ROBO1: variants seen among roughly 807,000 people sequenced by gnomAD.
ROBO1 encodes the protein roundabout guidance receptor 1.
In ROBO1, 149 loss-of-function variants were observed where a neutral mutation model predicts 195.9. That is an observed-to-expected ratio of 0.76 (90% CI 0.67 to 0.87). The LOEUF (loss-of-function observed/expected upper bound fraction) is 0.87, where lower values mean the gene tolerates loss of function less well. ROBO1 is among the 40% of genes least tolerant of loss of function. The pLI, the probability that ROBO1 is intolerant of heterozygous loss-of-function variation, is 0.00. For synonymous variants in ROBO1, 816 were observed against 733.2 expected (o/e 1.11, Z -1.82); for missense variants, 1,933 against 2,068.3 (o/e 0.93, Z 1.27).
At position 78,974,511 on chromosome 3, in the gene ROBO1, A is replaced by G. The variant is rs898958950; in HGVS notation, c.173-35584T>C. Among the ~76,000 whole-genome samples, 8 of 152,264 alleles carry G rather than the reference A, an allele frequency of 5.3e-5. No individual in the cohort carries two copies. In the South Asian group the frequency reaches 1.0e-3, roughly 20 times the overall value. On this transcript the variant is annotated intron_variant, in intron 3 of 30. Transcript: ENST00000464233. ...GTTTTACGAAATGCCACCAAACTCA[A>G]TATACGAAAAAAAGAAAGAGGCATG...
chr3:79,368,821 G>A (rs1031411526), intron 2 of ROBO1, among the ~76,000 whole-genome samples: 13 of 151,932 alleles, frequency 8.6e-5, no homozygotes, highest in East Asian at 3.9e-4. Flanking sequence ...AAATGCAGGC[G>A]GGACCTGCTT....
intron 3 of ROBO1, among the ~76,000 whole-genome samples, chr3:79,037,144 A>G (rs1472567020): frequency 2.0e-5 from 3 of 152,168 alleles, no homozygotes. Flanking sequence ...ACAGTTGGCT[A>G]TTTCACATAT....
At chr3:79,093,462 T>C (rs747053776) in intron 3 of ROBO1, among the ~76,000 whole-genome samples, 4 of 152,120 alleles carry the variant, frequency 2.6e-5, no homozygotes, top group Non-Finnish European at 5.9e-5. Flanking sequence ...CAACAAAAGA[T>C]TATTTAGAAG....
At chr3:79,344,463 G>C (rs544929631) in intron 2 of ROBO1, among the ~76,000 whole-genome samples, 1 of 152,100 alleles carries the variant, frequency 6.6e-6, no homozygotes, top group South Asian at 2.1e-4. Flanking sequence ...CAATAAAAGC[G>C]AATAATAGTT....
At chr3:78,894,142 G>A (rs979005862) in intron 4 of ROBO1, among the ~76,000 whole-genome samples, 1 of 152,032 alleles carries the variant, frequency 6.6e-6, no homozygotes, top group Non-Finnish European at 1.5e-5. Context: ...GGTTCTAACG[G>A]TGGGAAAATA....
At position 79,620,150 on chromosome 3, in the gene ROBO1, C is replaced by T. The variant is rs182744844; in HGVS notation, c.-50-30189G>A. Among the ~76,000 whole-genome samples, 1,299 of 152,322 alleles carry T rather than the reference C, an allele frequency of 8.5e-3. 18 individuals carry two copies. The highest frequency in any genetic ancestry group is 9.3e-3 in the Non-Finnish European group (631 of 68,026). ...TCAACAGCCCAGGATTCCTCCTAAGCTGTGTCCCGTCTGTGCGGGACCCCA... is the reference window on the plus strand; with the variant it reads ...TCAACAGCCCAGGATTCCTCCTAAGTTGTGTCCCGTCTGTGCGGGACCCCA... On this transcript the variant is annotated intron_variant, in intron 1 of 30. Coordinates refer to ENST00000464233, the MANE Select transcript of ROBO1 (RefSeq NM_002941.4).
chr3:79,146,484 A>G (rs898295018), intron 2 of ROBO1, among the ~76,000 whole-genome samples: 1 of 151,754 alleles, frequency 6.6e-6, no homozygotes, highest in Non-Finnish European at 1.5e-5. Flanking sequence ...AGATCATAGA[A>G]TATATATATA....
intron 4 of ROBO1, among the ~76,000 whole-genome samples, chr3:78,848,112 TTC>T (rs1309926099): frequency 6.6e-6 from 1 of 152,186 alleles, no homozygotes; most frequent in African/African-American, 2.4e-5. Flanking sequence ...ACAGGAAATA[TTC>T]TGTTTTTATA....
At chr3:79,080,838 T>C (rs1166988222) in intron 3 of ROBO1, among the ~76,000 whole-genome samples, 3 of 152,122 alleles carry the variant, frequency 2.0e-5, no homozygotes, top group Non-Finnish European at 1.5e-5. Flanking sequence ...TTTATTTAAA[T>C]ATTCAACTTT....
In ROBO1 at chr3:79,608,846, T is replaced by C. The variant is rs139694661; in HGVS notation, c.-50-18885A>G. Among the ~76,000 whole-genome samples, 833 of 152,028 alleles carry C rather than the reference T, an allele frequency of 5.5e-3. 11 individuals are homozygous for C. Among genetic ancestry groups the C allele is most frequent in the Non-Finnish European group, 3.8e-3 (260 of 67,910 alleles). ...TTGAATGTTCGTGTCCTCTCAAAAA[T>C]ACACATGTTGAAATTCCAACCTCCA... On this transcript the variant is annotated intron_variant, in intron 1 of 30. Transcript: ENST00000464233.
At chr3:78,701,587 G>A (rs1405724680) in intron 8 of ROBO1, among the ~76,000 whole-genome samples, 1 of 152,160 alleles carries the variant, frequency 6.6e-6, no homozygotes, top group East Asian at 1.9e-4. Context: ...TAGTGATTAA[G>A]TATATTCTGG....
chr3:78,907,900 G>A (rs2107518183), intron 4 of ROBO1, among the ~76,000 whole-genome samples: 1 of 152,016 alleles, frequency 6.6e-6, no homozygotes, highest in Middle Eastern at 3.4e-3. Context: ...ACTCCCTTCA[G>A]TTAAGAAGGA....
chr3:79,246,491 G>T (rs964244736), intron 2 of ROBO1, among the ~76,000 whole-genome samples: 1 of 152,018 alleles, frequency 6.6e-6, no homozygotes, highest in Non-Finnish European at 1.5e-5. Context: ...TATCATCCTG[G>T]TTGGAAAGCC....
intron 2 of ROBO1, among the ~76,000 whole-genome samples, chr3:79,413,580 G>A (rs980158843): frequency 6.6e-6 from 1 of 152,116 alleles, no homozygotes; most frequent in Non-Finnish European, 1.5e-5. Flanking sequence ...ATTTCAAGGA[G>A]AAGCTAGAAA....
chr3:79,409,942 A>G (rs35709232), intron 2 of ROBO1, among the ~76,000 whole-genome samples: 50,477 of 151,946 alleles, frequency 0.33, 9,883 homozygotes, highest in Admixed American at 0.48. Context: ...ACATATATAT[A>G]TACACACATA....
chr3:79,333,330 C>T (rs180729895), intron 2 of ROBO1, among the ~76,000 whole-genome samples: 54 of 152,202 alleles, frequency 3.5e-4, no homozygotes, highest in Admixed American at 2.4e-3. Context: ...AAAACACATG[C>T]GCAACCATGT....
chr3:79,136,996 A>C (rs1193817626), intron 2 of ROBO1, among the ~76,000 whole-genome samples: 1 of 152,120 alleles, frequency 6.6e-6, no homozygotes, highest in Non-Finnish European at 1.5e-5. Context: ...ATATTGAATA[A>C]ATTATTTTTA....
intron 3 of ROBO1, among the ~76,000 whole-genome samples, chr3:79,118,792 G>C (rs1394161428): frequency 6.6e-6 from 1 of 150,944 alleles, no homozygotes; most frequent in Non-Finnish European, 1.5e-5. Flanking sequence ...TTGAACCCGG[G>C]AGGTGGAGGT....
At chr3:79,143,054 G>T (rs1191632338) in intron 2 of ROBO1, among the ~76,000 whole-genome samples, 1 of 152,026 alleles carries the variant, frequency 6.6e-6, no homozygotes, top group Non-Finnish European at 1.5e-5. Flanking sequence ...AAGATTGACA[G>T]TATTTTTAAC....
Sources: allele counts gnomAD v4.1 joint callset (sites outside exome capture counted in the v4.1 genomes callset), GRCh38; gene constraint gnomAD v4.1.1; transcripts MANE v1.5; gene names NCBI Gene and HGNC (gene_info 2026-07-23, HGNC 2026-07-21).